Variants in CDH23 observed in about 807,000 individuals in gnomAD.
CDH23 encodes cadherin related 23, also known as cadherin-23.
Under a neutral mutation model 317.1 loss-of-function variants are expected in CDH23, and 189 were observed. The observed-to-expected ratio is 0.60, with a 90% CI of 0.53 to 0.67. The LOEUF is 0.67. Among genes scored for constraint, CDH23 ranks in the 30% least tolerant of loss-of-function variants. The probability of loss-of-function intolerance (pLI) is 0.00; values close to 1 mark genes in which losing one functional copy is unlikely to be tolerated. For synonymous variants in CDH23, 1,839 were observed against 1,876.8 expected (o/e 0.98, Z 0.52); for missense variants, 4,401 against 4,592.4 (o/e 0.96, Z 1.20).
chr10:71,460,770 C>T (rs2132059826), intron 3 of CDH23, among the ~76,000 whole-genome samples: 1 of 152,328 alleles, frequency 6.6e-6, no homozygotes, highest in Non-Finnish European at 1.5e-5. Context: ...TTGCCCTGTC[C>T]TGCTCCTGAA....
intron 47 of CDH23, 28 bp downstream of exon 47, chr10:71,791,363 C>T (rs758474074): frequency 1.4e-5 from 22 of 1,595,450 alleles, no homozygotes; most frequent in Admixed American, 1.0e-4. Flanking sequence ...CCCAGCACCC[C>T]ACAACCAGGG....
intron 11 of CDH23, chr10:71,635,356 C>T (rs562958349): frequency 1.3e-5 from 2 of 152,718 alleles, no homozygotes; most frequent in African/African-American, 2.4e-5. Flanking sequence ...CACACATCCG[C>T]GGTGAAAATG....
chr10:71,683,152 A>G (rs186150752), intron 18 of CDH23, among the ~76,000 whole-genome samples: 7 of 152,292 alleles, frequency 4.6e-5, no homozygotes, highest in East Asian at 3.9e-4. Context: ...CATTTGCCCA[A>G]TGCCACACGG....
chr10:71,654,798 G>C (rs575990869), intron 14 of CDH23, among the ~76,000 whole-genome samples: 2 of 152,182 alleles, frequency 1.3e-5, no homozygotes, highest in Non-Finnish European at 2.9e-5. Flanking sequence ...CCCCAGGGAG[G>C]CCTCTGGGGG....
intron 1 of CDH23, among the ~76,000 whole-genome samples, chr10:71,404,278 T>C (rs750480222): frequency 3.3e-5 from 5 of 152,174 alleles, no homozygotes; most frequent in Non-Finnish European, 5.9e-5. Flanking sequence ...CCCCATGTTA[T>C]CCCACTCCAG....
At chr10:71,450,955 A>T (rs1213995355) in intron 3 of CDH23, among the ~76,000 whole-genome samples, 1 of 152,138 alleles carries the variant, frequency 6.6e-6, no homozygotes, top group Non-Finnish European at 1.5e-5. Flanking sequence ...GTCTAAAGGG[A>T]CATTTTCATC....
intron 1 of CDH23, among the ~76,000 whole-genome samples, chr10:71,403,408 T>TTTCTCTTCCTTC (rs1320188460): frequency 3.5e-5 from 2 of 57,112 alleles, no homozygotes; most frequent in Non-Finnish European, 5.7e-5. Context: ...TCTTTCTTTC[T>TTTCTCTTCCTTC]CTTCCTTCCT....
At chr10:71,698,459 G>A (rs1014477611) in intron 22 of CDH23, among the ~76,000 whole-genome samples, 2 of 152,028 alleles carry the variant, frequency 1.3e-5, no homozygotes, top group African/African-American at 4.8e-5. Flanking sequence ...AGGAGGAGGT[G>A]ATATTTGAAC....
chr10:71,441,533 AC>A (rs1237540281), intron 2 of CDH23, among the ~76,000 whole-genome samples: 1 of 152,084 alleles, frequency 6.6e-6, no homozygotes, highest in East Asian at 1.9e-4. Context: ...AGCCTGGCAA[AC>A]ATGGCACAAC....
At chr10:71,460,613 C>T (rs776718705) in intron 3 of CDH23, among the ~76,000 whole-genome samples, 5 of 152,234 alleles carry the variant, frequency 3.3e-5, no homozygotes, top group African/African-American at 9.6e-5. Flanking sequence ...GGGCCAGGAG[C>T]GGCGTTTGTC....
chr10:71,413,125 T>A (rs1489977602), intron 1 of CDH23, among the ~76,000 whole-genome samples: 1 of 152,190 alleles, frequency 6.6e-6, no homozygotes, highest in African/African-American at 2.4e-5. Context: ...TATGTTTAGG[T>A]CTTTTATCTG....
At chr10:71,809,704 T>C in intron 60 of CDH23, 116 bp from the exon 61 acceptor site, 1 of 1,424,556 alleles carries the variant, frequency 7.0e-7, no homozygotes, top group Non-Finnish European at 9.5e-7. Flanking sequence ...CTGTGCCCTG[T>C]GGGCATTTGT....
intron 38 of CDH23, chr10:71,762,037 AGAG>A (rs558970366): frequency 6.3e-7 from 1 of 1,582,922 alleles, no homozygotes; most frequent in South Asian, 1.2e-5. Flanking sequence ...CTGCTCAGAG[AGAG>A]GAGAGCCCTG....
rs1275064536 is a variant in CDH23, at chr10:71,813,210, GCCTTGGTGGGGGTTAACCCTTTC to G, written c.9634-30_9634-8del. 20 of 1,540,374 alleles carry G rather than the reference GCCTTGGTGGGGGTTAACCCTTTC, an allele frequency of 1.3e-5. No homozygotes were observed. The highest frequency in any genetic ancestry group is 1.8e-5 in the Non-Finnish European group (20 of 1,137,790). Reference sequence around the variant, plus strand: ...CGAGGGGCGGGGCAGGCAGGGGAGGGCCTTGGTGGGGGTTAACCCTTTCCCTCCCCCAGGGCTCGCTGCTGAAG... The same window carrying G: ...CGAGGGGCGGGGCAGGCAGGGGAGGGCCTCCCCCAGGGCTCGCTGCTGAAG... On this transcript the variant is annotated splice_polypyrimidine_tract_variant and intron_variant, in intron 68 of 69. Transcript: ENST00000224721.
intron 23 of CDH23, 81 bp downstream of exon 23, chr10:71,702,292 G>T: frequency 6.8e-7 from 1 of 1,465,190 alleles, no homozygotes; most frequent in Non-Finnish European, 9.4e-7. Flanking sequence ...GGGGTACCTG[G>T]GGCCCACCCA....
At chr10:71,678,263 C>A (rs1344643560) in intron 16 of CDH23, among the ~76,000 whole-genome samples, 1 of 152,108 alleles carries the variant, frequency 6.6e-6, no homozygotes, top group Non-Finnish European at 1.5e-5. Flanking sequence ...AGTGCTGCAG[C>A]TGGAAGGAGC....
At chr10:71,681,311 C>A (rs1333680755) in intron 17 of CDH23, among the ~76,000 whole-genome samples, 1 of 152,144 alleles carries the variant, frequency 6.6e-6, no homozygotes, top group Admixed American at 6.5e-5. Context: ...CCATGCCCCC[C>A]ACTCCCAAGC....
chr10:71,781,078 C>T (rs912211382), intron 41 of CDH23, among the ~76,000 whole-genome samples: 7 of 152,164 alleles, frequency 4.6e-5, no homozygotes, highest in Admixed American at 6.5e-5. Flanking sequence ...GTATACAAGC[C>T]AAGAGTTCAG....
chr10:71,774,027 G>C (rs1337529180), intron 38 of CDH23, among the ~76,000 whole-genome samples: 1 of 149,344 alleles, frequency 6.7e-6, no homozygotes, highest in African/African-American at 2.5e-5. Context: ...CAGAGCCTGA[G>C]GCACCCTGAG....
Sources: allele counts gnomAD v4.1 joint callset (sites outside exome capture counted in the v4.1 genomes callset), GRCh38; gene constraint gnomAD v4.1.1; transcripts MANE v1.5; gene names NCBI Gene and HGNC (gene_info 2026-07-23, HGNC 2026-07-21).